Variants in MAP3K5 observed in about 807,000 individuals in gnomAD.
MAP3K5 encodes the protein mitogen-activated protein kinase kinase kinase 5, also known as ASK-1.
A neutral mutation model predicts 158.7 loss-of-function variants in MAP3K5; 56 were observed. The observed-to-expected ratio is 0.35, with a 90% confidence interval of 0.28 to 0.44. The LOEUF is 0.44. Ranked by LOEUF, MAP3K5 falls within the 20% of genes least tolerant of loss-of-function variation. The pLI, the probability that MAP3K5 is intolerant of heterozygous loss-of-function variation, is 1.00. For synonymous variants in MAP3K5, 579 were observed against 601.7 expected (o/e 0.96, Z 0.55); for missense variants, 1,294 against 1,674.8 (o/e 0.77, Z 3.97).
intron 3 of MAP3K5, among the ~76,000 whole-genome samples, chr6:136,699,159 C>T (rs979798481): frequency 2.0e-5 from 3 of 152,194 alleles, no homozygotes; most frequent in African/African-American, 7.2e-5. Context: ...TGTCTCCCCA[C>T]TACTAAAACT....
intron 7 of MAP3K5, among the ~76,000 whole-genome samples, chr6:136,672,454 C>T (rs1161540233): frequency 1.1e-4 from 17 of 152,066 alleles, no homozygotes. Context: ...TAAACTTTAC[C>T]AAGAAAAAGA....
intron 1 of MAP3K5, among the ~76,000 whole-genome samples, chr6:136,742,464 A>G (rs1782752007): frequency 6.6e-6 from 1 of 152,120 alleles, no homozygotes; most frequent in Non-Finnish European, 1.5e-5. Context: ...CAAAAAAAAC[A>G]CAAAGATACA....
chr6:136,626,198 C>G (rs539175486), intron 14 of MAP3K5, among the ~76,000 whole-genome samples: 3 of 152,212 alleles, frequency 2.0e-5, no homozygotes, highest in African/African-American at 7.2e-5. Context: ...GGTTTTCAGG[C>G]CCTTATAGAA....
At chr6:136,635,513 A>G (rs1278929958) in intron 14 of MAP3K5, among the ~76,000 whole-genome samples, 1 of 152,182 alleles carries the variant, frequency 6.6e-6, no homozygotes, top group East Asian at 1.9e-4. Context: ...CTTTAATGAA[A>G]GAGGCTTAGG....
intron 14 of MAP3K5, among the ~76,000 whole-genome samples, chr6:136,627,378 C>T: frequency 6.6e-6 from 1 of 152,188 alleles, no homozygotes; most frequent in East Asian, 1.9e-4. Context: ...GTCCAAAGTT[C>T]CACATGAACT....
chr6:136,557,563 T>C lies in MAP3K5; in HGVS notation c.*195A>G, dbSNP rs979731938. ...TTTAAGAGTCCTTATGAAGAGTCCTTAAAAATTATAGAAATAGATGTAGTT... is the reference window on the plus strand; with the variant it reads ...TTTAAGAGTCCTTATGAAGAGTCCTCAAAAATTATAGAAATAGATGTAGTT... On this transcript the variant is annotated 3_prime_UTR_variant, in exon 30 of 30. Transcript: ENST00000359015. 1.9e-6 allele frequency: 1 copy of C among 532,726 alleles called. No individual in the cohort carries two copies. The highest frequency in any genetic ancestry group is 1.9e-5 in the African/African-American group (1 of 52,118). 33.0% of individuals were successfully genotyped at this position (532,726 alleles called of 1,614,324 possible).
chr6:136,753,923 G>A (rs73777733), intron 1 of MAP3K5, among the ~76,000 whole-genome samples: 4,660 of 152,272 alleles, frequency 0.031, 260 homozygotes, highest in African/African-American at 0.11. Flanking sequence ...AGGTAGATGC[G>A]GGAAACTGAA....
At chr6:136,656,561 TAATA>T in intron 9 of MAP3K5, 101 bp from the exon 10 acceptor site, 3 of 702,744 alleles carry the variant, frequency 4.3e-6, no homozygotes, top group Non-Finnish European at 4.8e-6. Context: ...TACATGACAT[TAATA>T]GTTATGCATT....
intron 14 of MAP3K5, among the ~76,000 whole-genome samples, chr6:136,630,759 T>C (rs1197233800): frequency 6.6e-6 from 1 of 152,266 alleles, no homozygotes; most frequent in Non-Finnish European, 1.5e-5. Flanking sequence ...TAAGATGATA[T>C]ATAAACACTC....
At chr6:136,673,689 C>A in intron 7 of MAP3K5, among the ~76,000 whole-genome samples, 1 of 145,354 alleles carries the variant, frequency 6.9e-6, no homozygotes. Context: ...TAGAAGGTAT[C>A]TAAACTGAAG....
intron 1 of MAP3K5, among the ~76,000 whole-genome samples, chr6:136,737,057 A>ATATATATATATATATATATATATATAT (rs1782506729): frequency 6.8e-6 from 1 of 147,612 alleles, no homozygotes; most frequent in African/African-American, 2.5e-5. Flanking sequence ...ATATATATAT[A>ATATATATATATATATATATATATATAT]AACTTAGATG....
At chr6:136,567,545 G>A (rs1774172539) in intron 26 of MAP3K5, 86 bp downstream of exon 26, 3 of 1,363,216 alleles carry the variant, frequency 2.2e-6, no homozygotes, top group Admixed American at 4.6e-5. Flanking sequence ...AATGGGATAA[G>A]GGAATCATAT....
intron 9 of MAP3K5, among the ~76,000 whole-genome samples, chr6:136,657,495 C>T (rs574203521): frequency 1.1e-4 from 16 of 152,268 alleles, no homozygotes; most frequent in African/African-American, 1.4e-4. Flanking sequence ...CAATATCATG[C>T]GTGCATCTAT....
At chr6:136,656,711 G>A (rs939543295) in intron 9 of MAP3K5, among the ~76,000 whole-genome samples, 84 of 151,254 alleles carry the variant, frequency 5.6e-4, no homozygotes, top group African/African-American at 1.9e-3. Context: ...TGCAAGCTCC[G>A]CCTGCCGGGT....
intron 1 of MAP3K5, among the ~76,000 whole-genome samples, chr6:136,788,594 T>C (rs187488597): frequency 1.7e-3 from 265 of 152,196 alleles, no homozygotes; most frequent in Middle Eastern, 0.01. Flanking sequence ...GCGAAAGATA[T>C]GAACAGACAC....
At chr6:136,648,766 G>C (rs1387312702) in intron 11 of MAP3K5, among the ~76,000 whole-genome samples, 1 of 152,172 alleles carries the variant, frequency 6.6e-6, no homozygotes. Context: ...GCCTGGCCAT[G>C]ATTGACATCC....
intron 1 of MAP3K5, among the ~76,000 whole-genome samples, chr6:136,769,738 G>GGAA (rs1554317443): frequency 1.7e-4 from 9 of 52,288 alleles, no homozygotes; most frequent in Admixed American, 5.0e-4. Context: ...AAGGGAGGAA[G>GGAA]GGAAGGAAGG....
rs189173960 is a variant in MAP3K5, at chr6:136,680,689, T to C, written c.1254-11294A>G. Among the ~76,000 whole-genome samples the C allele has an allele frequency of 7.2e-5, 11 of 152,336 alleles. No homozygotes were observed. The East Asian group carries it at 2.1e-3, about 29-fold the overall frequency. The stretch of plus-strand genomic sequence containing the variant: ...GTACCCATGCAAAAATAAATTATTC[T>C]CATCTCTTCTCATCTTTGCCAATTG... On this transcript the variant is annotated intron_variant, in intron 7 of 29. Coordinates refer to ENST00000359015, the MANE Select transcript of MAP3K5 (RefSeq NM_005923.4).
chr6:136,625,380 G>A (rs538036566), intron 14 of MAP3K5, among the ~76,000 whole-genome samples: 2 of 152,352 alleles, frequency 1.3e-5, no homozygotes, highest in African/African-American at 4.8e-5. Flanking sequence ...TAATGCCCAG[G>A]AGGGGATAGG....
Sources: gnomAD v4.1 joint callset for allele counts (sites outside exome capture counted in the v4.1 genomes callset) on GRCh38, gnomAD v4.1.1 for gene constraint, MANE v1.5 for transcripts, NCBI Gene and HGNC (gene_info 2026-07-23, HGNC 2026-07-21) for gene names.